The following GALNT13 variants were observed in gnomAD, a reference collection of about 807,000 sequenced individuals.
GALNT13 encodes polypeptide N-acetylgalactosaminyltransferase 13, also known as UDP-GalNAc:polypeptide N-acetylgalactosaminyltransferase 13.
GALNT13 carries 28 observed loss-of-function variants against 64.2 expected under a neutral mutation model. The observed-to-expected ratio is 0.44, with a 90% confidence interval of 0.32 to 0.60. The LOEUF is 0.60. Ranked by LOEUF, GALNT13 falls within the 20% of genes least tolerant of loss-of-function variation. The probability of loss-of-function intolerance (pLI) is 0.05; values close to 1 mark genes in which losing one functional copy is unlikely to be tolerated. For missense variants in GALNT13, 577 were observed against 669.8 expected (o/e 0.86, Z 1.53); for synonymous variants, 214 against 224.6 (o/e 0.95, Z 0.42).
chr2:153,109,877 G>C, the GALNT13 span, among the ~76,000 whole-genome samples: 1 of 152,004 alleles, frequency 6.6e-6, no homozygotes, highest in African/African-American at 2.4e-5. Flanking sequence ...CTTTTGTTCT[G>C]CTTGAAATAT....
the GALNT13 span, among the ~76,000 whole-genome samples, chr2:153,528,418 C>G: frequency 6.6e-6 from 1 of 151,890 alleles, no homozygotes; most frequent in Non-Finnish European, 1.5e-5. Context: ...TGGGAGTACT[C>G]AGATATATAA....
chr2:153,475,344 C>G, the GALNT13 span, among the ~76,000 whole-genome samples: 1 of 152,182 alleles, frequency 6.6e-6, no homozygotes, highest in Admixed American at 6.5e-5. Flanking sequence ...TGTTCACATA[C>G]CTTTTGTATC....
intron 1 of GALNT13, among the ~76,000 whole-genome samples, chr2:153,889,390 C>T (rs1434083840): frequency 6.6e-6 from 1 of 151,592 alleles, no homozygotes; most frequent in Non-Finnish European, 1.5e-5. Context: ...TTTTAACCAC[C>T]CTCAAAGCCT....
At chr2:154,098,952 G>T (rs1407944711) in intron 3 of GALNT13, among the ~76,000 whole-genome samples, 1 of 151,828 alleles carries the variant, frequency 6.6e-6, no homozygotes, top group African/African-American at 2.4e-5. Context: ...TGGAGTTGCT[G>T]AGTCAAATGG....
the GALNT13 span, among the ~76,000 whole-genome samples, chr2:153,816,728 A>C: frequency 2.0e-5 from 3 of 152,338 alleles, no homozygotes; most frequent in East Asian, 1.9e-4. Context: ...AGCAAGAGAC[A>C]AATTTGTGGC....
chr2:153,436,265 T>C, the GALNT13 span, among the ~76,000 whole-genome samples: 1 of 152,226 alleles, frequency 6.6e-6, no homozygotes, highest in Non-Finnish European at 1.5e-5. Context: ...TCGATGTTCA[T>C]CAAGGATATT....
At chr2:153,262,905 C>G in the GALNT13 span, among the ~76,000 whole-genome samples, 22,312 of 152,072 alleles carry the variant, frequency 0.15, 2,055 homozygotes, top group Non-Finnish European at 0.21. Flanking sequence ...CAAGAATGCT[C>G]TCTCTCACCA....
chr2:153,593,440 G>C, the GALNT13 span, among the ~76,000 whole-genome samples: 7 of 152,216 alleles, frequency 4.6e-5, no homozygotes, highest in South Asian at 1.5e-3. Flanking sequence ...TTCAAGTAGC[G>C]TGTGAGCTCA....
chr2:153,105,868 G>T, the GALNT13 span, among the ~76,000 whole-genome samples: 1 of 152,076 alleles, frequency 6.6e-6, no homozygotes, highest in Non-Finnish European at 1.5e-5. Flanking sequence ...AATAAAAGAG[G>T]ATACAAACAA....
At chr2:153,546,112 C>CA in the GALNT13 span, among the ~76,000 whole-genome samples, 4 of 152,136 alleles carry the variant, frequency 2.6e-5, no homozygotes, top group Non-Finnish European at 5.9e-5. Context: ...AGATAAGCCA[C>CA]AAAATACATA....
At chr2:153,403,837 C>G in the GALNT13 span, among the ~76,000 whole-genome samples, 1 of 152,188 alleles carries the variant, frequency 6.6e-6, no homozygotes, top group African/African-American at 2.4e-5. Context: ...CTGGCACTCC[C>G]TAGTGAGATG....
chr2:154,328,622 A>G (rs1695002883), intron 9 of GALNT13, among the ~76,000 whole-genome samples: 1 of 152,084 alleles, frequency 6.6e-6, no homozygotes, highest in Non-Finnish European at 1.5e-5. Flanking sequence ...TCCACCCTAC[A>G]TCTACTGAAT....
chr2:153,118,964 G>A, the GALNT13 span, among the ~76,000 whole-genome samples: 1 of 152,118 alleles, frequency 6.6e-6, no homozygotes, highest in African/African-American at 2.4e-5. Context: ...AATCATGGGA[G>A]TGGTTACCTC....
At chr2:153,170,550 G>T in the GALNT13 span, among the ~76,000 whole-genome samples, 1 of 152,188 alleles carries the variant, frequency 6.6e-6, no homozygotes, top group South Asian at 2.1e-4. Flanking sequence ...AACTTAAGCA[G>T]CTGGCTAAGC....
chr2:153,843,922 C>A, the GALNT13 span, among the ~76,000 whole-genome samples: 6 of 152,220 alleles, frequency 3.9e-5, no homozygotes, highest in African/African-American at 7.2e-5. Flanking sequence ...TGTGGGCTCC[C>A]AAGGCCTTGG....
chr2:153,584,142 A>T, the GALNT13 span, among the ~76,000 whole-genome samples: 1 of 151,836 alleles, frequency 6.6e-6, no homozygotes, highest in Non-Finnish European at 1.5e-5. Context: ...GGTTCATACC[A>T]CCCTCCCCAT....
the GALNT13 span, among the ~76,000 whole-genome samples, chr2:153,263,720 G>T: frequency 4.6e-5 from 7 of 152,098 alleles, no homozygotes; most frequent in East Asian, 1.9e-4. Flanking sequence ...TTCATAAATG[G>T]TACTGAGAGA....
the GALNT13 span, among the ~76,000 whole-genome samples, chr2:153,303,153 T>A: frequency 4.6e-5 from 7 of 152,190 alleles, no homozygotes; most frequent in Non-Finnish European, 1.0e-4. Context: ...TTTACAATAT[T>A]AATTCTGGAA....
the GALNT13 span, chr2:153,173,267 A>C: frequency 6.6e-6 from 1 of 152,146 alleles, no homozygotes; most frequent in African/African-American, 2.4e-5. Context: ...GGTTACCCTG[A>C]GGTGAGTTGT....
Sources: allele counts gnomAD v4.1 joint callset (sites outside exome capture counted in the v4.1 genomes callset), GRCh38; gene constraint gnomAD v4.1.1; transcripts MANE v1.5; gene names NCBI Gene and HGNC (gene_info 2026-07-23, HGNC 2026-07-21).